Variants in DSPP observed in about 807,000 individuals in gnomAD.
The protein encoded by DSPP is deafness, autosomal dominant 39.
DSPP carries 28 observed loss-of-function variants against 29.1 expected under a neutral mutation model. That is an observed-to-expected ratio of 0.96 (90% confidence interval 0.71 to 1.32). The LOEUF (loss-of-function observed/expected upper bound fraction) is 1.32, where lower values mean the gene tolerates loss of function less well. DSPP is among the 40% of genes most tolerant of loss of function. The pLI is 0.00. For missense variants in DSPP, 1,281 were observed against 1,629.9 expected (o/e 0.79, Z 3.69); for synonymous variants, 481 against 503.4 (o/e 0.96, Z 0.60).
rs1451368194 is a variant in DSPP, at chr4:87,616,251, G to A, written c.3589G>A (p.Asp1197Asn). The A allele has an allele frequency of 8.5e-6, 13 of 1,529,598 alleles. No homozygotes were observed. Among genetic ancestry groups the A allele is most frequent in the East Asian group, 7.5e-5 (3 of 39,822 alleles). 94.8% of individuals were successfully genotyped at this position (1,529,598 alleles called of 1,614,324 possible). ...TAGCAGTGACAGCAGCGACAGCAGC[G>A]ATAGCAGCGACAGCAGCGATAGTAG... ...SDSSDSSDSSDSSDSSDSSDS... is the reference protein window; with the variant it reads ...SDSSDSSDSSNSSDSSDSSDS... The change falls in exon 5 of 5, where the codon GAT becomes AAT. Residue 1197 changes from aspartate (D) to asparagine (N), a missense_variant. Around this residue, in one of 4 missense-constraint regions of DSPP, gnomAD observed 134 missense variants for 185.0 expected, o/e 0.72. Coordinates refer to ENST00000651931, the MANE Select transcript of DSPP (RefSeq NM_014208.3).
rs1057326990 is a variant in DSPP, at chr4:87,612,634, A to G, written c.448A>G (p.Asn150Asp). 1 of 1,614,116 alleles carries G rather than the reference A, an allele frequency of 6.2e-7. No individual in the cohort carries two copies. ...CATCATTGACAATGCTGGAGCCACA[A>G]ACAGAAGCAACACTAATGGAAATAC... The part of the protein sequence containing the change: ...VSIIDNAGAT[N>D]RSNTNGNTDK... The change falls in exon 4 of 5, where the codon AAC (asparagine) becomes GAC (aspartate). Residue 150 changes from asparagine (N) to aspartate (D), a missense_variant. By Grantham distance (23) the Asn-to-Asp change is conservative (BLOSUM62 1). This residue lies in a region of DSPP where 631 missense variants were observed against 643.2 expected (regional missense o/e 0.98). Coordinates refer to ENST00000651931, the MANE Select transcript of DSPP (RefSeq NM_014208.3).
chr4:87,614,129 A>G lies in DSPP; in HGVS notation c.1467A>G (p.Gly489=), dbSNP rs763362179. The G allele has an allele frequency of 5.0e-6, 8 of 1,614,236 alleles. No individual in the cohort carries two copies. The South Asian group carries it at 8.8e-5, about 18-fold the overall frequency. Residue 489 remains glycine (G), a synonymous_variant, in exon 5 of 5, where the codon GGA becomes GGG. Coordinates refer to ENST00000651931, the MANE Select transcript of DSPP (RefSeq NM_014208.3). The part of the protein sequence containing the change: ...SESDNNSSSR[G]DASYNSDESK... ...GTGACAATAACAGCAGTAGCCGAGG[A>G]GATGCTTCTTATAACTCTGATGAAT...
intron 2 of DSPP, 66 bp from the exon 3 acceptor site, chr4:87,612,039 G>A (rs1578139938): frequency 8.4e-6 from 10 of 1,193,528 alleles, no homozygotes; most frequent in African/African-American, 1.5e-5. Context: ...GTGTGTGTGT[G>A]TGCACGCTCA....
chr4:87,614,222 CA>C lies in DSPP; in HGVS notation c.1561del (p.Thr521LeufsTer793). On this transcript the variant is annotated frameshift_variant, in exon 5 of 5. Coordinates refer to ENST00000651931, the MANE Select transcript of DSPP (RefSeq NM_014208.3). LOFTEE classifies it low-confidence loss of function (END_TRUNC). ...EDDDSDSTSDTNNSDSNGNGN... is the reference protein window; with the variant it reads ...EDDDSDSTSDXNNSDSNGNGN... Reference sequence around the variant, plus strand: ...ATGATGACAGTGATAGCACATCAGACACTAATAATAGTGACAGTAATGGCAA... The same window carrying C: ...ATGATGACAGTGATAGCACATCAGACCTAATAATAGTGACAGTAATGGCAA... 1 of 1,614,194 alleles carries C rather than the reference CA, an allele frequency of 6.2e-7. No homozygotes were observed. The highest frequency in any genetic ancestry group is 8.5e-7 in the Non-Finnish European group (1 of 1,180,040).
intron 1 of DSPP, among the ~76,000 whole-genome samples, chr4:87,610,065 C>A (rs1483187490): frequency 6.6e-6 from 1 of 152,102 alleles, no homozygotes; most frequent in Non-Finnish European, 1.5e-5. Context: ...TTTTTCTGTG[C>A]TTTGCATTGG....
Position 87,610,933 on chromosome 4 carries a change from A to T in DSPP, c.25A>T (p.Ile9Phe). The T allele has an allele frequency of 6.2e-7, 1 of 1,613,446 alleles. No individual in the cohort carries two copies. Among genetic ancestry groups the T allele is most frequent in the Non-Finnish European group, 8.5e-7 (1 of 1,179,658 alleles). Residue 9 changes from isoleucine to phenylalanine, a missense_variant, in exon 2 of 5, where the codon ATT becomes TTT. Physicochemically the swap from Ile to Phe is conservative, Grantham distance 21. Coordinates refer to ENST00000651931, the MANE Select transcript of DSPP (RefSeq NM_014208.3). ...AATGAAGATAATTACATATTTTTGCATTTGGGCAGTAGCATGGGCCATTCC... is the reference window on the plus strand; with the variant it reads ...AATGAAGATAATTACATATTTTTGCTTTTGGGCAGTAGCATGGGCCATTCC... Reference protein sequence around the residue: MKIITYFCIWAVAWAIPVP... With the variant: MKIITYFCFWAVAWAIPVP...
At position 87,615,254 on chromosome 4, in the gene DSPP, TAGTGACAGCAGCGATAGC is replaced by T; in HGVS notation, c.2605_2622del (p.Asp869_Ser874del). The stretch of plus-strand genomic sequence containing the variant: ...GCAATAGAAGTGACAGTAGTAATAG[TAGTGACAGCAGCGATAGC>T]AGTGACAGCAGCAACAGCAGTGACA... On this transcript the variant is annotated inframe_deletion, in exon 5 of 5. Coordinates refer to ENST00000651931, the MANE Select transcript of DSPP (RefSeq NM_014208.3). The T allele has an allele frequency of 1.3e-6, 2 of 1,502,002 alleles. No homozygotes were observed. The highest frequency in any genetic ancestry group is 1.8e-6 in the Non-Finnish European group (2 of 1,124,688). The allele number at this position is 1,502,002 out of a possible 1,614,324, so 93.0% of individuals were successfully genotyped here.
chr4:87,615,621 G>A lies in DSPP; in HGVS notation c.2959G>A (p.Asp987Asn), dbSNP rs868291120. Residue 987 changes from aspartate to asparagine, a missense_variant, in exon 5 of 5, where the codon GAC becomes AAC. Around this residue, in one of 4 missense-constraint regions of DSPP, gnomAD observed 444 missense variants for 611.4 expected, o/e 0.73. Transcript: ENST00000651931. The stretch of plus-strand genomic sequence containing the variant: ...CAGCAGCAACAGCAGCGATAGCAGT[G>A]ACAGCAGTGATAGCAGTGACAGCAG... ...SDSSNSSDSS[D>N]SSDSSDSSDS... 1.3e-6 allele frequency: 2 copies of A among 1,538,554 alleles called. No individual in the cohort carries two copies. The highest frequency in any genetic ancestry group is 1.7e-6 in the Non-Finnish European group (2 of 1,146,312).
At chr4:87,609,166 T>C (rs1727688352) in intron 1 of DSPP, among the ~76,000 whole-genome samples, 1 of 152,172 alleles carries the variant, frequency 6.6e-6, no homozygotes, top group Non-Finnish European at 1.5e-5. Flanking sequence ...CATGCTGAGA[T>C]CACCTGGGCC....
intron 2 of DSPP, 68 bp from the exon 3 acceptor site, chr4:87,612,037 G>A (rs1416181272): frequency 4.1e-5 from 53 of 1,278,004 alleles, no homozygotes; most frequent in Non-Finnish European, 6.0e-5. Flanking sequence ...GTGTGTGTGT[G>A]TGTGCACGCT....
In DSPP at chr4:87,615,094, A is replaced by T; in HGVS notation, c.2432A>T (p.Asp811Val). 6.4e-7 allele frequency: 1 copy of T among 1,550,546 alleles called. No individual in the cohort carries two copies. Among genetic ancestry groups the T allele is most frequent in the East Asian group, 2.4e-5 (1 of 40,834 alleles). Residue 811 changes from aspartate (D) to valine (V), a missense_variant, in exon 5 of 5, where the codon GAT (aspartate) becomes GTT (valine). Physicochemically the swap from Asp to Val is radical, Grantham distance 152. Transcript: ENST00000651931. Reference sequence around the variant, plus strand: ...AGCAGCAACAGCAGTGATAGCAGTGATAGCAGTGACAGCAGTGATAGCGAC... The same window carrying T: ...AGCAGCAACAGCAGTGATAGCAGTGTTAGCAGTGACAGCAGTGATAGCGAC... ...SDSSNSSDSSDSSDSSDSDSS... is the reference protein window; with the variant it reads ...SDSSNSSDSSVSSDSSDSDSS...
rs774957524 is a variant in DSPP, at chr4:87,614,224, C to A, written c.1562C>A (p.Thr521Asn). 6.2e-7 allele frequency: 1 copy of A among 1,614,198 alleles called. No homozygotes were observed. Among genetic ancestry groups the A allele is most frequent in the South Asian group, 1.1e-5 (1 of 91,086 alleles). Residue 521 changes from threonine (T) to asparagine (N), a missense_variant, in exon 5 of 5, where the codon ACT becomes AAT. Physicochemically the swap from Thr to Asn is moderately conservative, Grantham distance 65 (BLOSUM62 0). This residue lies in a region of DSPP where 631 missense variants were observed against 643.2 expected (regional missense o/e 0.98). Coordinates refer to ENST00000651931, the MANE Select transcript of DSPP (RefSeq NM_014208.3). ...EDDDSDSTSD[T>N]NNSDSNGNGN... is the part of the protein sequence containing the mutation. ...GATGACAGTGATAGCACATCAGACA[C>A]TAATAATAGTGACAGTAATGGCAAT...
chr4:87,612,251 C>T (rs1727748189), intron 3 of DSPP, 63 bp downstream of exon 3: 1 of 1,612,130 alleles, frequency 6.2e-7, no homozygotes, highest in African/African-American at 1.3e-5. Flanking sequence ...CCATTAACTT[C>T]TCCAAGATTG....
At position 87,615,275 on chromosome 4, in the gene DSPP, T is replaced by TGACAGCAGC. The variant is rs1159400956; in HGVS notation, c.2614_2622dup (p.Asp872_Ser874dup). On this transcript the variant is annotated inframe_insertion, in exon 5 of 5. Coordinates refer to ENST00000651931, the MANE Select transcript of DSPP (RefSeq NM_014208.3). The stretch of plus-strand genomic sequence containing the variant: ...ATAGTAGTGACAGCAGCGATAGCAG[T>TGACAGCAGC]GACAGCAGCAACAGCAGTGACAGCA... 4 of 1,522,342 alleles carry TGACAGCAGC rather than the reference T, an allele frequency of 2.6e-6. No individual in the cohort carries two copies. The Admixed American group carries it at 8.4e-5, about 32-fold the overall frequency. The allele number at this position is 1,522,342 out of a possible 1,614,324, so 94.3% of individuals were successfully genotyped here. A position where few individuals can be genotyped will look rare whatever the true frequency, so the allele number is the denominator to read the frequency against.
rs754856151 is a variant in DSPP at position 87,612,881 on chromosome 4, G to T, written c.695G>T (p.Gly232Val). 1 of 1,614,156 alleles carries T rather than the reference G, an allele frequency of 6.2e-7. No individual in the cohort carries two copies. Among genetic ancestry groups the T allele is most frequent in the East Asian group, 2.2e-5 (1 of 44,890 alleles). Residue 232 changes from glycine to valine, a missense_variant, in exon 4 of 5, where the codon GGC becomes GTC. Transcript: ENST00000651931. ...NGTKEAEVTP[G>V]TGEDAGLDNS... is the part of the protein sequence containing the mutation. ...ACTAAGGAAGCTGAGGTAACACCAG[G>T]CACTGGAGAAGATGCTGGCCTGGAT...
In DSPP at chr4:87,609,838, T is replaced by A. The variant is rs946618853; in HGVS notation, c.-28-1043T>A. Among the ~76,000 whole-genome samples, 33 of 152,192 alleles carry A rather than the reference T, an allele frequency of 2.2e-4. 1 individual carries two copies. The highest frequency in any genetic ancestry group is 1.9e-3 in the Admixed American group (29 of 15,272). On this transcript the variant is annotated intron_variant, in intron 1 of 4. Coordinates refer to ENST00000651931, the MANE Select transcript of DSPP (RefSeq NM_014208.3). Reference sequence around the variant, plus strand: ...ATCCAACTTGCAATATAAATTAATTTTTTTACTCACACAGATTATAAAATG... The same window carrying A: ...ATCCAACTTGCAATATAAATTAATTATTTTACTCACACAGATTATAAAATG...
intron 1 of DSPP, among the ~76,000 whole-genome samples, 177 bp downstream of exon 1, chr4:87,608,797 G>A (rs967524577): frequency 2.0e-5 from 3 of 152,090 alleles, no homozygotes; most frequent in East Asian, 1.9e-4. Context: ...GGACAATTAC[G>A]ACCTAAGGAA....
chr4:87,616,124 T>C lies in DSPP; in HGVS notation c.3462T>C (p.Ser1154=), dbSNP rs111216234. The change falls in exon 5 of 5, where the codon AGT becomes AGC. Residue 1154 remains serine (S), a synonymous_variant. Coordinates refer to ENST00000651931, the MANE Select transcript of DSPP (RefSeq NM_014208.3). ...SSDSSESSDS[S]DSSDSSDSSD... ...ACAGCAGTGAAAGCAGCGACAGCAG[T>C]GACAGCAGCGACAGCAGTGACAGCA... 0.017 allele frequency: 7,326 copies of C among 432,644 alleles called. 659 individuals carry two copies. The highest frequency in any genetic ancestry group is 0.03 in the Middle Eastern group (48 of 1,624). The allele number at this position is 432,644 out of a possible 1,614,324, so 26.8% of individuals were successfully genotyped here.
chr4:87,615,715 GTA>G lies in DSPP; in HGVS notation c.3054_3055del (p.Ser1018ArgfsTer2), dbSNP rs1727883272. ...AGTGACAGCAGTGATAGCAGTAATA[GTA>G]GTGACAGCAGCAATAGCAGTGACAG... On this transcript the variant is annotated frameshift_variant, in exon 5 of 5. Coordinates refer to ENST00000651931, the MANE Select transcript of DSPP (RefSeq NM_014208.3). LOFTEE classifies it low-confidence loss of function (END_TRUNC). 1.4e-6 allele frequency: 2 copies of G among 1,469,376 alleles called. No homozygotes were observed. The highest frequency in any genetic ancestry group is 1.8e-6 in the Non-Finnish European group (2 of 1,102,670). 91.0% of individuals were successfully genotyped at this position (1,469,376 alleles called of 1,614,324 possible).
Sources: gnomAD v4.1 joint callset for allele counts (sites outside exome capture counted in the v4.1 genomes callset) on GRCh38, gnomAD v4.1.1 for gene constraint, gnomAD v4.1.1 regional missense constraint, MANE v1.5 for transcripts, NCBI Gene and HGNC (gene_info 2026-07-23, HGNC 2026-07-21) for gene names.